The following HDAC9 variants were observed in gnomAD, a reference collection of about 807,000 sequenced individuals.
HDAC9 encodes the protein histone deacetylase 9.
Under a neutral mutation model 139.4 loss-of-function variants are expected in HDAC9, and 41 were observed. That is an observed-to-expected ratio of 0.29 (90% CI 0.23 to 0.38). The LOEUF (loss-of-function observed/expected upper bound fraction) is 0.38. HDAC9 is among the 10% of genes least tolerant of loss of function. The pLI is 1.00. For synonymous variants in HDAC9, 517 were observed against 476.2 expected, an observed-to-expected ratio of 1.09 and a Z score of -1.12; for missense variants, 1,147 against 1,297.0, an observed-to-expected ratio of 0.88 and a Z score of 1.78.
chr7:18,363,977 G>C (rs1313102847), intron 1 of HDAC9, among the ~76,000 whole-genome samples: 1 of 152,112 alleles, frequency 6.6e-6, no homozygotes, highest in African/African-American at 2.4e-5. Flanking sequence ...CATTCTGAAT[G>C]GTTGGGCTTT....
intron 13 of HDAC9, among the ~76,000 whole-genome samples, chr7:18,730,851 G>T (rs1364005828): frequency 6.6e-6 from 1 of 152,086 alleles, no homozygotes; most frequent in South Asian, 2.1e-4. Flanking sequence ...TTCAAAGGAA[G>T]CCCTTTAAGG....
intron 16 of HDAC9, among the ~76,000 whole-genome samples, chr7:18,772,746 C>A (rs1174217200): frequency 6.6e-6 from 1 of 152,060 alleles, no homozygotes; most frequent in Non-Finnish European, 1.5e-5. Context: ...AGCAAGAACA[C>A]CCCATGGCAC....
chr7:18,433,049 A>G (rs1440280402), intron 1 of HDAC9, among the ~76,000 whole-genome samples: 2 of 152,238 alleles, frequency 1.3e-5, no homozygotes, highest in Admixed American at 6.5e-5. Context: ...ATCCACCCTG[A>G]CCAAGTAGGC....
chr7:18,359,245 G>A (rs1423061714), intron 1 of HDAC9, among the ~76,000 whole-genome samples: 1 of 152,150 alleles, frequency 6.6e-6, no homozygotes, highest in Non-Finnish European at 1.5e-5. Flanking sequence ...CAACTTGGGA[G>A]GCTGAGGCAG....
intron 16 of HDAC9, among the ~76,000 whole-genome samples, chr7:18,777,038 A>T (rs1790830298): frequency 6.6e-6 from 1 of 151,826 alleles, no homozygotes; most frequent in Non-Finnish European, 1.5e-5. Flanking sequence ...ACACGCTGAG[A>T]TGCTGACATT....
chr7:18,661,405 A>G (rs767652656), intron 11 of HDAC9, among the ~76,000 whole-genome samples: 1 of 152,112 alleles, frequency 6.6e-6, no homozygotes, highest in African/African-American at 2.4e-5. Flanking sequence ...GCAGCTAACT[A>G]TGCAAGTTTG....
At chr7:18,262,410 A>G (rs1295927019) in intron 2 of HDAC9, among the ~76,000 whole-genome samples, 1 of 152,198 alleles carries the variant, frequency 6.6e-6, no homozygotes, top group African/African-American at 2.4e-5. Flanking sequence ...TTTTAAGGAG[A>G]AATTAAGGCA....
intron 14 of HDAC9, among the ~76,000 whole-genome samples, chr7:18,754,574 T>C (rs890593747): frequency 3.3e-5 from 5 of 152,152 alleles, no homozygotes; most frequent in African/African-American, 1.2e-4. Context: ...TGACTAATAT[T>C]GAATAACTTT....
At chr7:18,401,416 T>C (rs1585637973) in intron 1 of HDAC9, among the ~76,000 whole-genome samples, 1 of 152,158 alleles carries the variant, frequency 6.6e-6, no homozygotes, top group South Asian at 2.1e-4. Flanking sequence ...GTGGTTGGGG[T>C]GGCCATATTC....
chr7:18,272,950 CTACTACTACTACTACTAT>C (rs1336309080), intron 2 of HDAC9, among the ~76,000 whole-genome samples: 11 of 93,234 alleles, frequency 1.2e-4, no homozygotes, highest in South Asian at 7.1e-4. Context: ...ACTACTACTA[CTACTACTACTACTACTAT>C]TTCTTCCTCC....
intron 22 of HDAC9, among the ~76,000 whole-genome samples, chr7:18,914,340 C>T (rs551919607): frequency 2.6e-5 from 4 of 151,814 alleles, no homozygotes; most frequent in African/African-American, 7.2e-5. Flanking sequence ...GCATTCCACC[C>T]GGCTATTCAT....
chr7:18,954,895 G>A (rs1783043098), intron 24 of HDAC9, among the ~76,000 whole-genome samples: 1 of 152,062 alleles, frequency 6.6e-6, no homozygotes, highest in Non-Finnish European at 1.5e-5. Context: ...CACTTAAGAA[G>A]CCACTTGCCA....
intron 1 of HDAC9, among the ~76,000 whole-genome samples, chr7:18,357,809 T>C (rs1157203686): frequency 6.6e-6 from 1 of 152,120 alleles, no homozygotes; most frequent in Non-Finnish European, 1.5e-5. Context: ...GTCTCAGTGT[T>C]TCACTGTGAA....
chr7:18,694,465 G>A (rs761645955), intron 12 of HDAC9, among the ~76,000 whole-genome samples: 16 of 152,024 alleles, frequency 1.1e-4, no homozygotes, highest in Non-Finnish European at 1.9e-4. Context: ...TTGGTGTCTC[G>A]GGAGTGTTCA....
At chr7:18,839,088 A>G (rs577394088) in intron 21 of HDAC9, among the ~76,000 whole-genome samples, 168 of 152,220 alleles carry the variant, frequency 1.1e-3, no homozygotes, top group Non-Finnish European at 1.5e-3. Flanking sequence ...TGAAGGGTAT[A>G]CTTAAGATTC....
At chr7:18,673,727 T>C (rs1341095483) in intron 12 of HDAC9, among the ~76,000 whole-genome samples, 1 of 152,056 alleles carries the variant, frequency 6.6e-6, no homozygotes, top group African/African-American at 2.4e-5. Context: ...TCACATCAAT[T>C]TGAAAATAGA....
At chr7:18,087,027 G>T (rs1781834990) in exon 1 of HDAC9, 1 of 151,576 alleles carries the variant, frequency 6.6e-6, no homozygotes, top group African/African-American at 2.4e-5. Context: ...AGCGCCCGCC[G>T]CGGCCGGTAA....
chr7:18,669,242 C>G (rs2129082407), intron 12 of HDAC9, among the ~76,000 whole-genome samples: 1 of 151,874 alleles, frequency 6.6e-6, no homozygotes, highest in African/African-American at 2.4e-5. Context: ...ATCCCTTGAA[C>G]ATAACAAGCA....
At chr7:18,858,638 A>T (rs975609872) in intron 21 of HDAC9, among the ~76,000 whole-genome samples, 1 of 152,142 alleles carries the variant, frequency 6.6e-6, no homozygotes. Flanking sequence ...TTTACTCAGA[A>T]ATTGCTTTCA....
Sources: gnomAD v4.1 joint callset for allele counts (sites outside exome capture counted in the v4.1 genomes callset) on GRCh38, gnomAD v4.1.1 for gene constraint, MANE v1.5 for transcripts, NCBI Gene and HGNC (gene_info 2026-07-23, HGNC 2026-07-21) for gene names.